POU6F2: variants seen among roughly 807,000 people sequenced by gnomAD.
POU6F2 encodes POU class 6 homeobox 2, also known as POU domain, class 6, transcription factor 2.
Under a neutral mutation model 71.3 loss-of-function variants are expected in POU6F2, and 31 were observed. The observed-to-expected ratio is 0.43, with a 90% CI of 0.33 to 0.59. POU6F2 has a LOEUF of 0.59. Ranked by LOEUF, POU6F2 falls within the 20% of genes least tolerant of loss-of-function variation. POU6F2 has a pLI of 0.04. For missense variants in POU6F2, 783 were observed against 856.8 expected, an observed-to-expected ratio of 0.91 and a Z score of 1.07; for synonymous variants, 347 against 355.7, an observed-to-expected ratio of 0.98 and a Z score of 0.27.
At chr7:39,300,442 A>T (rs1784931057) in intron 4 of POU6F2, among the ~76,000 whole-genome samples, 1 of 152,206 alleles carries the variant, frequency 6.6e-6, no homozygotes, top group Non-Finnish European at 1.5e-5. Flanking sequence ...ACGGCAAGTG[A>T]CGAATGCTGG....
At chr7:39,139,136 G>A (rs887835680) in intron 2 of POU6F2, among the ~76,000 whole-genome samples, 1 of 152,146 alleles carries the variant, frequency 6.6e-6, no homozygotes. Flanking sequence ...AAATTATGTA[G>A]CCACTTCTGT....
At chr7:39,260,761 A>G (rs1349685314) in intron 4 of POU6F2, among the ~76,000 whole-genome samples, 1 of 151,978 alleles carries the variant, frequency 6.6e-6, no homozygotes, top group Non-Finnish European at 1.5e-5. Flanking sequence ...ACCATGCCAC[A>G]TACCACATAT....
chr7:39,127,681 A>G (rs906005906), intron 2 of POU6F2, among the ~76,000 whole-genome samples: 1 of 152,110 alleles, frequency 6.6e-6, no homozygotes, highest in Middle Eastern at 3.4e-3. Context: ...CTGAGCCCTG[A>G]ATGAAGGGAG....
intron 1 of POU6F2, among the ~76,000 whole-genome samples, chr7:39,026,886 A>T (rs989058077): frequency 6.6e-6 from 1 of 152,162 alleles, no homozygotes; most frequent in African/African-American, 2.4e-5. Context: ...AATGCAGGGC[A>T]GTAAGAAGAT....
At chr7:39,371,951 T>C (rs527559425) in intron 5 of POU6F2, among the ~76,000 whole-genome samples, 15 of 152,310 alleles carry the variant, frequency 9.8e-5, no homozygotes, top group African/African-American at 3.1e-4. Context: ...GATCTTGCTC[T>C]GTCACCCAGG....
intron 4 of POU6F2, among the ~76,000 whole-genome samples, chr7:39,267,028 G>A (rs1394464383): frequency 3.3e-5 from 5 of 152,064 alleles, no homozygotes; most frequent in Non-Finnish European, 5.9e-5. Context: ...TCTATATTTT[G>A]TAAATAAGCT....
intron 1 of POU6F2, among the ~76,000 whole-genome samples, chr7:39,019,072 C>A (rs946876351): frequency 7.2e-5 from 11 of 152,034 alleles, no homozygotes; most frequent in African/African-American, 2.7e-4. Context: ...TTCCTCATTC[C>A]TACATCCCAT....
Position 39,467,615 on chromosome 7 carries a change from C to G in POU6F2, c.*2929C>G, listed in dbSNP as rs1019415391. On this transcript the variant is annotated 3_prime_UTR_variant, in exon 10 of 10. Coordinates refer to ENST00000518318, the MANE Select transcript of POU6F2 (RefSeq NM_001370959.1). ...CATTTTACACTTGTTTATAGATTTT[C>G]TTTCTTTTTCAACCAAGAAAATATT... The G allele has an allele frequency of 6.6e-6, 1 of 152,106 alleles. No individual in the cohort carries two copies. Among genetic ancestry groups the G allele is most frequent in the Non-Finnish European group, 1.5e-5 (1 of 68,022 alleles). The allele number at this position is 152,106 out of a possible 1,614,324, so 9.4% of individuals were successfully genotyped here.
chr7:39,109,533 C>A (rs553156254), intron 2 of POU6F2, among the ~76,000 whole-genome samples: 21 of 152,260 alleles, frequency 1.4e-4, no homozygotes, highest in East Asian at 3.9e-4. Context: ...AATGAGGCAT[C>A]CTTCCATTTG....
At chr7:39,141,352 T>C (rs1265875657) in intron 2 of POU6F2, among the ~76,000 whole-genome samples, 1 of 152,140 alleles carries the variant, frequency 6.6e-6, no homozygotes, top group African/African-American at 2.4e-5. Context: ...GGGAAATAGA[T>C]TTTCCTGCCC....
intron 2 of POU6F2, among the ~76,000 whole-genome samples, chr7:39,185,849 ATG>A (rs1562738042): frequency 7.8e-5 from 7 of 90,298 alleles, no homozygotes; most frequent in African/African-American, 2.5e-4. Flanking sequence ...GTATATGTAT[ATG>A]TATGTGTATA....
intron 4 of POU6F2, among the ~76,000 whole-genome samples, chr7:39,275,025 A>G (rs1362958962): frequency 2.0e-5 from 3 of 151,294 alleles, no homozygotes; most frequent in African/African-American, 7.3e-5. Context: ...ACTCCTATTC[A>G]ACATAGTGTT....
At chr7:39,057,346 A>G (rs1360479524) in intron 1 of POU6F2, among the ~76,000 whole-genome samples, 1 of 152,122 alleles carries the variant, frequency 6.6e-6, no homozygotes, top group Non-Finnish European at 1.5e-5. Context: ...AAAGTGGTAG[A>G]TCATCATTTT....
intron 4 of POU6F2, among the ~76,000 whole-genome samples, chr7:39,261,688 C>A (rs1784141779): frequency 6.6e-6 from 1 of 152,174 alleles, no homozygotes; most frequent in Non-Finnish European, 1.5e-5. Context: ...GCTGTCATTT[C>A]CCATCTAAGA....
chr7:39,021,791 C>T (rs1449278327), intron 1 of POU6F2, among the ~76,000 whole-genome samples: 2 of 151,892 alleles, frequency 1.3e-5, no homozygotes, highest in African/African-American at 4.8e-5. Flanking sequence ...AATAAAATTC[C>T]AGGGAATTAG....
intron 2 of POU6F2, among the ~76,000 whole-genome samples, chr7:39,096,165 T>C (rs998291042): frequency 1.3e-5 from 2 of 152,124 alleles, no homozygotes; most frequent in Non-Finnish European, 2.9e-5. Flanking sequence ...ACTGCTAATT[T>C]CTATGGGCTT....
intron 1 of POU6F2, among the ~76,000 whole-genome samples, chr7:39,042,810 T>A (rs1790216187): frequency 6.6e-6 from 1 of 151,792 alleles, no homozygotes; most frequent in South Asian, 2.1e-4. Flanking sequence ...GCTTTTCAGT[T>A]CTATGTGGCT....
chr7:39,017,603 C>T (rs922793990), intron 1 of POU6F2, among the ~76,000 whole-genome samples: 1 of 152,084 alleles, frequency 6.6e-6, no homozygotes, highest in East Asian at 1.9e-4. Flanking sequence ...TGAACTTCCC[C>T]ACCTCTCTGC....
chr7:39,272,224 A>C (rs1784352156), intron 4 of POU6F2, among the ~76,000 whole-genome samples: 1 of 152,204 alleles, frequency 6.6e-6, no homozygotes, highest in Non-Finnish European at 1.5e-5. Flanking sequence ...ATAAATACCA[A>C]ATAGAAATGT....
Sources: gnomAD v4.1 joint callset for allele counts (sites outside exome capture counted in the v4.1 genomes callset) on GRCh38, gnomAD v4.1.1 for gene constraint, MANE v1.5 for transcripts, NCBI Gene and HGNC (gene_info 2026-07-23, HGNC 2026-07-21) for gene names.